C8orf34: variants seen among roughly 807,000 people sequenced by gnomAD.
C8orf34 encodes the protein uncharacterized protein C8orf34.
In C8orf34, 65 loss-of-function variants were observed where a neutral mutation model predicts 68.3. That is an observed-to-expected ratio of 0.95 (90% CI 0.78 to 1.17). The LOEUF (loss-of-function observed/expected upper bound fraction) is 1.17, where lower values mean the gene tolerates loss of function less well. C8orf34 is among the 50% of genes most tolerant of loss of function. The pLI is 0.00. For missense variants in C8orf34, 664 were observed against 655.4 expected (o/e 1.01, Z -0.14); for synonymous variants, 244 against 241.2 (o/e 1.01, Z -0.11).
intron 1 of C8orf34, among the ~76,000 whole-genome samples, chr8:68,355,873 G>C (rs1358488246): frequency 6.6e-6 from 1 of 152,094 alleles, no homozygotes; most frequent in Non-Finnish European, 1.5e-5. Context: ...AGGCAACTTG[G>C]ATCACCCTTA....
chr8:68,403,338 G>A (rs527238751), intron 1 of C8orf34, among the ~76,000 whole-genome samples: 4 of 152,026 alleles, frequency 2.6e-5, no homozygotes, highest in Non-Finnish European at 5.9e-5. Flanking sequence ...TGGAAACCTT[G>A]AGTTACTACA....
At chr8:68,638,954 G>A (rs185160921) in intron 7 of C8orf34, among the ~76,000 whole-genome samples, 48 of 152,188 alleles carry the variant, frequency 3.2e-4, no homozygotes, top group African/African-American at 1.1e-3. Flanking sequence ...GAAATCACGG[G>A]TTCACTTCTT....
intron 1 of C8orf34, among the ~76,000 whole-genome samples, chr8:68,402,410 T>C (rs1339133552): frequency 6.6e-6 from 1 of 152,132 alleles, no homozygotes; most frequent in Non-Finnish European, 1.5e-5. Flanking sequence ...TTTCATTTAG[T>C]TCTGCTCTGA....
intron 3 of C8orf34, among the ~76,000 whole-genome samples, chr8:68,460,990 C>G (rs1304677266): frequency 6.6e-6 from 1 of 152,216 alleles, no homozygotes; most frequent in Non-Finnish European, 1.5e-5. Context: ...GATCAAACTA[C>G]TCCGAGCTAC....
At chr8:68,337,082 A>G (rs1208615795) in intron 1 of C8orf34, among the ~76,000 whole-genome samples, 1 of 152,238 alleles carries the variant, frequency 6.6e-6, no homozygotes. Flanking sequence ...CTTGGCAACC[A>G]TCTGAAAGAT....
At chr8:68,353,999 G>T (rs1465441503) in intron 1 of C8orf34, among the ~76,000 whole-genome samples, 1 of 151,974 alleles carries the variant, frequency 6.6e-6, no homozygotes, top group Non-Finnish European at 1.5e-5. Flanking sequence ...ATCAAAACAA[G>T]ATGTCTATAT....
At chr8:68,556,707 C>G (rs1816267057) in intron 7 of C8orf34, among the ~76,000 whole-genome samples, 2 of 152,040 alleles carry the variant, frequency 1.3e-5, no homozygotes, top group Admixed American at 1.3e-4. Context: ...TGGTGTCGAC[C>G]TTATGGCATT....
chr8:68,658,511 TGAC>T (rs1288066227), intron 8 of C8orf34, among the ~76,000 whole-genome samples: 2 of 152,216 alleles, frequency 1.3e-5, no homozygotes, highest in African/African-American at 4.8e-5. Context: ...CGCAGCAAAA[TGAC>T]TATTGTCCAC....
At chr8:68,565,143 T>C (rs1374253398) in intron 7 of C8orf34, among the ~76,000 whole-genome samples, 2 of 152,232 alleles carry the variant, frequency 1.3e-5, no homozygotes, top group African/African-American at 4.8e-5. Context: ...CTGCTTTATA[T>C]CATGTCTAAC....
chr8:68,347,689 G>A (rs1270340229), intron 1 of C8orf34, among the ~76,000 whole-genome samples: 1 of 151,952 alleles, frequency 6.6e-6, no homozygotes. Context: ...CTGTGGTTTT[G>A]ATTTGCATTT....
chr8:68,637,566 A>C (rs189959157), intron 7 of C8orf34, among the ~76,000 whole-genome samples: 18 of 152,304 alleles, frequency 1.2e-4, no homozygotes, highest in Admixed American at 1.0e-3. Flanking sequence ...GAAATTGTTC[A>C]TGACCTGAGG....
chr8:68,694,340 G>C (rs1820767102), intron 8 of C8orf34, among the ~76,000 whole-genome samples: 1 of 151,970 alleles, frequency 6.6e-6, no homozygotes, highest in African/African-American at 2.4e-5. Context: ...ATGACAATTT[G>C]GTTGAAAAAG....
chr8:68,407,160 T>G (rs932485209), intron 1 of C8orf34, among the ~76,000 whole-genome samples: 2 of 152,322 alleles, frequency 1.3e-5, no homozygotes, highest in South Asian at 4.1e-4. Context: ...TTACAATTTT[T>G]TTTCTAGCAT....
At chr8:68,477,409 G>A (rs944264891) in intron 4 of C8orf34, among the ~76,000 whole-genome samples, 1 of 152,240 alleles carries the variant, frequency 6.6e-6, no homozygotes, top group African/African-American at 2.4e-5. Context: ...ACAAAGCAGA[G>A]ACTCCTCATG....
intron 10 of C8orf34, among the ~76,000 whole-genome samples, chr8:68,749,251 C>T (rs533360623): frequency 5.5e-5 from 8 of 146,272 alleles, no homozygotes; most frequent in Non-Finnish European, 1.1e-4. Context: ...GTGGGGGGAG[C>T]GGGGAGGGAT....
chr8:68,507,712 G>T (rs1814085348), intron 5 of C8orf34, among the ~76,000 whole-genome samples: 1 of 152,136 alleles, frequency 6.6e-6, no homozygotes, highest in South Asian at 2.1e-4. Context: ...AAAACTGGGG[G>T]CCCAGAGGGC....
intron 10 of C8orf34, among the ~76,000 whole-genome samples, chr8:68,769,210 C>A (rs1057377587): frequency 1.3e-5 from 2 of 151,644 alleles, no homozygotes; most frequent in African/African-American, 4.8e-5. Context: ...TCCTTAAGAT[C>A]TGCTATTATC....
intron 12 of C8orf34, among the ~76,000 whole-genome samples, chr8:68,805,929 C>T (rs1185077711): frequency 6.6e-6 from 1 of 151,748 alleles, no homozygotes; most frequent in African/African-American, 2.4e-5. Flanking sequence ...TTCTTTCTTG[C>T]CTTTTTTGGG....
intron 3 of C8orf34, among the ~76,000 whole-genome samples, chr8:68,453,455 T>A (rs1279365683): frequency 6.6e-6 from 1 of 152,016 alleles, no homozygotes; most frequent in Non-Finnish European, 1.5e-5. Flanking sequence ...TGTTAAACAA[T>A]GTTTTGTAGT....
Sources: gnomAD v4.1 joint callset for allele counts (sites outside exome capture counted in the v4.1 genomes callset) on GRCh38, gnomAD v4.1.1 for gene constraint, MANE v1.5 for transcripts, NCBI Gene and HGNC (gene_info 2026-07-23, HGNC 2026-07-21) for gene names.